ATF7IP2: variants seen among roughly 807,000 people sequenced by gnomAD.
ATF7IP2 encodes activating transcription factor 7-interacting protein 2.
A neutral mutation model predicts 64.2 loss-of-function variants in ATF7IP2; 42 were observed. The ratio of observed to expected loss-of-function variants is 0.65; its 90% CI spans 0.51 to 0.85. The LOEUF (loss-of-function observed/expected upper bound fraction) is 0.85. Among genes scored for constraint, ATF7IP2 ranks in the 40% least tolerant of loss-of-function variants. The pLI is 0.00. For synonymous variants in ATF7IP2, 308 were observed against 272.8 expected (o/e 1.13, Z -1.27); for missense variants, 933 against 784.2 (o/e 1.19, Z -2.27).
chr16:10,443,141 C>A (rs2048685295), intron 8 of ATF7IP2, among the ~76,000 whole-genome samples: 2 of 152,148 alleles, frequency 1.3e-5, no homozygotes, highest in African/African-American at 4.8e-5. Context: ...AAGGGTCCAC[C>A]ACAGTACCAC....
chr16:10,439,997 C>T (rs1035990837), intron 7 of ATF7IP2, among the ~76,000 whole-genome samples: 2 of 151,708 alleles, frequency 1.3e-5, no homozygotes, highest in Non-Finnish European at 2.9e-5. Flanking sequence ...CCCGTCACTA[C>T]TAAAAATACA....
intron 9 of ATF7IP2, among the ~76,000 whole-genome samples, chr16:10,461,040 G>A (rs898047324): frequency 8.5e-5 from 13 of 152,086 alleles, no homozygotes; most frequent in African/African-American, 3.1e-4. Context: ...AAAGACTTGT[G>A]CATCCACTTC....
At chr16:10,440,235 T>C (rs2048568481) in intron 7 of ATF7IP2, 129 bp from the exon 8 acceptor site, 1 of 468,696 alleles carries the variant, frequency 2.1e-6, no homozygotes. Context: ...CTTTTGCATA[T>C]ATTAGAATTT....
intron 1 of ATF7IP2, among the ~76,000 whole-genome samples, chr16:10,391,491 C>G (rs910979526): frequency 6.6e-6 from 1 of 152,184 alleles, no homozygotes; most frequent in Non-Finnish European, 1.5e-5. Context: ...AGCTAGCAAA[C>G]TTAAAGTACT....
intron 8 of ATF7IP2, among the ~76,000 whole-genome samples, chr16:10,456,430 C>T (rs954556383): frequency 2.6e-5 from 4 of 152,178 alleles, no homozygotes; most frequent in Admixed American, 1.3e-4. Context: ...TTTGAAAACA[C>T]TAAGCATAGG....
At chr16:10,472,012 T>C (rs926578609) in intron 9 of ATF7IP2, 98 bp from the exon 10 acceptor site, 27 of 519,762 alleles carry the variant, frequency 5.2e-5, no homozygotes, top group Non-Finnish European at 8.7e-5. Context: ...TAAAACATTA[T>C]GAAATGTTAA....
intron 8 of ATF7IP2, among the ~76,000 whole-genome samples, chr16:10,453,392 G>C (rs2049053750): frequency 6.6e-6 from 1 of 152,124 alleles, no homozygotes; most frequent in Non-Finnish European, 1.5e-5. Context: ...CCATGCTTTA[G>C]CTCGCTGTCT....
intron 1 of ATF7IP2, among the ~76,000 whole-genome samples, chr16:10,412,297 T>C (rs1377244693): frequency 6.6e-6 from 1 of 152,178 alleles, no homozygotes; most frequent in African/African-American, 2.4e-5. Context: ...TTCAGACTTT[T>C]TGATTTAGGC....
At chr16:10,463,596 T>G (rs758272216) in intron 9 of ATF7IP2, among the ~76,000 whole-genome samples, 4 of 152,168 alleles carry the variant, frequency 2.6e-5, no homozygotes, top group Non-Finnish European at 5.9e-5. Flanking sequence ...CCCCCAGCCC[T>G]GGTCAGACCT....
At chr16:10,414,640 T>A (rs1179862423) in intron 2 of ATF7IP2, 28 bp downstream of exon 2, 17 of 97,348 alleles carry the variant, frequency 1.7e-4, no homozygotes, top group African/African-American at 8.5e-4. Context: ...TGTGTGTGTG[T>A]GTGTGTGTGT....
intron 12 of ATF7IP2, among the ~76,000 whole-genome samples, chr16:10,478,016 A>G (rs928574738): frequency 6.7e-6 from 1 of 150,158 alleles, no homozygotes; most frequent in African/African-American, 2.5e-5. Flanking sequence ...ATACAAACAA[A>G]TGGAAGAACA....
rs142432471 is a variant in ATF7IP2 at position 10,451,967 on chromosome 16, G to A, written c.1195-5405G>A. ...ACTCAGGAGGCTATGCAGGAGAATC[G>A]CTTGAACCCGGGAGGCAGAGGTTGC... is the stretch of plus-strand genomic sequence containing the variant. On this transcript the variant is annotated intron_variant, in intron 8 of 13. Transcript: ENST00000562102. Among the ~76,000 whole-genome samples, 1,223 of 152,102 alleles carry A rather than the reference G, an allele frequency of 8.0e-3. 18 individuals carry two copies. The highest frequency in any genetic ancestry group is 0.027 in the African/African-American group (1,116 of 41,466).
At chr16:10,449,029 G>A (rs1255509331) in intron 8 of ATF7IP2, 1 of 152,132 alleles carries the variant, frequency 6.6e-6, no homozygotes, top group African/African-American at 2.4e-5. Flanking sequence ...AAGGGGTGTT[G>A]AATTTTGTCA....
chr16:10,427,097 G>T (rs193267511), intron 3 of ATF7IP2, among the ~76,000 whole-genome samples: 6 of 152,188 alleles, frequency 3.9e-5, no homozygotes, highest in Middle Eastern at 3.4e-3. Flanking sequence ...CAGGTGATCC[G>T]TTCGCCTCAG....
At chr16:10,389,060 C>G (rs1016892510) in intron 1 of ATF7IP2, among the ~76,000 whole-genome samples, 5 of 151,484 alleles carry the variant, frequency 3.3e-5, no homozygotes, top group Admixed American at 3.3e-4. Flanking sequence ...AGTAGTAGTT[C>G]TCTCGGGGCT....
intron 8 of ATF7IP2, among the ~76,000 whole-genome samples, chr16:10,445,062 G>T (rs551956321): frequency 1.2e-4 from 18 of 152,066 alleles, no homozygotes; most frequent in Non-Finnish European, 1.5e-4. Flanking sequence ...TTTAGAGTTT[G>T]CTTATTAGTT....
intron 1 of ATF7IP2, among the ~76,000 whole-genome samples, chr16:10,390,447 G>C (rs899076200): frequency 6.6e-5 from 10 of 152,132 alleles, no homozygotes; most frequent in Admixed American, 4.6e-4. Flanking sequence ...AACTAAAGTA[G>C]GGCTTAGAGG....
intron 9 of ATF7IP2, among the ~76,000 whole-genome samples, chr16:10,463,525 G>C (rs936970785): frequency 7.2e-5 from 11 of 152,140 alleles, no homozygotes; most frequent in African/African-American, 2.7e-4. Flanking sequence ...AATCTATGCA[G>C]AGCTCTACAT....
intron 1 of ATF7IP2, among the ~76,000 whole-genome samples, chr16:10,391,864 T>G (rs2047332470): frequency 6.6e-6 from 1 of 151,448 alleles, no homozygotes; most frequent in Admixed American, 6.6e-5. Flanking sequence ...CCACTGCCTT[T>G]CAGCCTGGGT....
Sources: allele counts gnomAD v4.1 joint callset (sites outside exome capture counted in the v4.1 genomes callset), GRCh38; gene constraint gnomAD v4.1.1; transcripts MANE v1.5; gene names NCBI Gene and HGNC (gene_info 2026-07-23, HGNC 2026-07-21).